The following ZNF333 variants were observed in gnomAD, a reference collection of about 807,000 sequenced individuals.
ZNF333 encodes the protein zinc finger protein 333.
ZNF333 carries 61 observed loss-of-function variants against 76.1 expected under a neutral mutation model. The ratio of observed to expected loss-of-function variants is 0.80; its 90% CI spans 0.65 to 0.99. The LOEUF is 0.99. ZNF333 is among the 50% of genes least tolerant of loss of function. The pLI is 0.00. For missense variants in ZNF333, 717 were observed against 822.4 expected (o/e 0.87, Z 1.57); for synonymous variants, 284 against 305.0 (o/e 0.93, Z 0.72).
chr19:14,716,338 A>G (rs1484941884), intron 9 of ZNF333, 100 bp downstream of exon 9: 2 of 1,380,888 alleles, frequency 1.4e-6, no homozygotes, highest in Non-Finnish European at 1.9e-6. Flanking sequence ...GGCTCACTGC[A>G]ACCTCCGCTT....
chr19:14,709,524 AC>A (rs1350760500), intron 7 of ZNF333, among the ~76,000 whole-genome samples: 1 of 152,194 alleles, frequency 6.6e-6, no homozygotes, highest in Non-Finnish European at 1.5e-5. Flanking sequence ...GATGCTGCAG[AC>A]TGAATTGTGC....
Position 14,719,052 on chromosome 19 carries a change from A to G in ZNF333, c.1725A>G (p.Ser575=). ...GTGGGCGAGCCTTCAGTGAGCCCTC[A>G]TCCCTCAGGAAACATGCAAGGACTC... is the stretch of plus-strand genomic sequence containing the variant. ...QECGRAFSEP[S]SLRKHARTHS... Residue 575 remains serine, a synonymous_variant, in exon 12 of 12, where the codon TCA becomes TCG. Transcript: ENST00000292530. The G allele has an allele frequency of 1.9e-6, 3 of 1,614,200 alleles. No homozygotes were observed. The highest frequency in any genetic ancestry group is 2.5e-6 in the Non-Finnish European group (3 of 1,180,046).
At chr19:14,715,230 G>C in intron 7 of ZNF333, 152 bp from the exon 8 acceptor site, 2 of 625,388 alleles carry the variant, frequency 3.2e-6, no homozygotes, top group South Asian at 1.9e-5. Context: ...AGAGCTTGCA[G>C]ATATGTGTCT....
In ZNF333 at chr19:14,711,670, T is replaced by C. The variant is rs529354792; in HGVS notation, c.512-3712T>C. ...TGTCTCAAAAAAATTATAGTAATAA[T>C]GCATATAAAACATTTATATTGAGGA... On this transcript the variant is annotated intron_variant, in intron 7 of 11. Coordinates refer to ENST00000292530, the MANE Select transcript of ZNF333 (RefSeq NM_032433.4). Among the ~76,000 whole-genome samples the C allele has an allele frequency of 2.0e-4, 30 of 152,258 alleles. No individual in the cohort carries two copies. The South Asian group carries it at 6.0e-3, about 31-fold the overall frequency.
chr19:14,727,777 T>A (rs1483734040), intron 11 of ZNF333, among the ~76,000 whole-genome samples: 6 of 152,094 alleles, frequency 3.9e-5, no homozygotes, highest in Admixed American at 3.9e-4. Flanking sequence ...TTTCCTTTAA[T>A]CCCATTTAAT....
Sources: allele counts gnomAD v4.1 joint callset (sites outside exome capture counted in the v4.1 genomes callset), GRCh38; gene constraint gnomAD v4.1.1; transcripts MANE v1.5; gene names NCBI Gene and HGNC (gene_info 2026-07-23, HGNC 2026-07-21).